The following CDH23 variants were observed in gnomAD, a reference collection of about 807,000 sequenced individuals.
CDH23 encodes the protein cadherin related 23, also known as cadherin-23.
A neutral mutation model predicts 317.1 loss-of-function variants in CDH23; 189 were observed. The observed-to-expected ratio is 0.60, with a 90% confidence interval of 0.53 to 0.67. The LOEUF (loss-of-function observed/expected upper bound fraction) is 0.67, where lower values mean the gene tolerates loss of function less well. Among genes scored for constraint, CDH23 ranks in the 30% least tolerant of loss-of-function variants. The pLI, the probability that CDH23 is intolerant of heterozygous loss-of-function variation, is 0.00. For missense variants in CDH23, 4,401 were observed against 4,592.4 expected (o/e 0.96, Z 1.20); for synonymous variants, 1,839 against 1,876.8 (o/e 0.98, Z 0.52).
rs1189826051 is a variant in CDH23, at chr10:71,808,021, G to A, written c.8722+14G>A. ...TCTTCACCATGGGTAGGGCCTGGCA[G>A]CACATGAGTGGCCTCTAGCCATGAC... On this transcript the variant is annotated intron_variant, in intron 60 of 69. Transcript: ENST00000224721. 6.4e-7 allele frequency: 1 copy of A among 1,571,522 alleles called. No individual in the cohort carries two copies. Among genetic ancestry groups the A allele is most frequent in the South Asian group, 1.2e-5 (1 of 85,664 alleles).
intron 6 of CDH23, among the ~76,000 whole-genome samples, chr10:71,564,758 T>C (rs1345834228): frequency 1.3e-5 from 2 of 152,260 alleles, no homozygotes; most frequent in African/African-American, 4.8e-5. Flanking sequence ...CTACCCTGTT[T>C]CCTGTTGTTG....
intron 9 of CDH23, among the ~76,000 whole-genome samples, chr10:71,581,679 C>T (rs576632459): frequency 1.3e-5 from 2 of 152,356 alleles, no homozygotes; most frequent in African/African-American, 4.8e-5. Flanking sequence ...GACAAGTTCC[C>T]ACAGAGGACC....
At chr10:71,684,022 A>G (rs185064147) in intron 18 of CDH23, among the ~76,000 whole-genome samples, 38 of 151,954 alleles carry the variant, frequency 2.5e-4, no homozygotes, top group Admixed American at 1.7e-3. Context: ...TGGAGGTTGC[A>G]GTGAGCCGAG....
chr10:71,415,451 T>C (rs982351076), intron 1 of CDH23, among the ~76,000 whole-genome samples: 1 of 152,314 alleles, frequency 6.6e-6, no homozygotes, highest in Admixed American at 6.5e-5. Context: ...TGTATTGATC[T>C]TTTCAAAAAA....
intron 30 of CDH23, among the ~76,000 whole-genome samples, chr10:71,729,450 A>C (rs1357295572): frequency 6.6e-6 from 1 of 152,172 alleles, no homozygotes; most frequent in Non-Finnish European, 1.5e-5. Context: ...TGCCCCAAAC[A>C]GGGCCAGGGA....
At chr10:71,427,733 G>A (rs919081381) in intron 1 of CDH23, among the ~76,000 whole-genome samples, 76 of 141,282 alleles carry the variant, frequency 5.4e-4, no homozygotes, top group Middle Eastern at 3.6e-3. Context: ...TTTTTTTTTA[G>A]ATGGAGTCTC....
rs183300613 is a variant in CDH23, at chr10:71,752,066, G to A, written c.4845+10145G>A. 2,596 of 707,212 alleles carry A rather than the reference G, an allele frequency of 3.7e-3. 19 individuals carry two copies. The highest frequency in any genetic ancestry group is 4.3e-3 in the Non-Finnish European group (1,690 of 392,786). The allele number at this position is 707,212 out of a possible 1,614,324, so 43.8% of individuals were successfully genotyped here. A position where few individuals can be genotyped will look rare whatever the true frequency, so the allele number is the denominator to read the frequency against. ...CCTGCCCACCTGTCCTGAGCTGAGG[G>A]CATCAGGGCCCACCAGAACAGACCC... is the stretch of plus-strand genomic sequence containing the variant. On this transcript the variant is annotated intron_variant, in intron 38 of 69. Transcript: ENST00000224721.
chr10:71,709,911 A>G lies in CDH23; in HGVS notation c.3220+700A>G, dbSNP rs7072435. 8.8e-3 allele frequency among the ~76,000 whole-genome samples: 1,345 copies of G among 152,274 alleles called. 13 individuals carry two copies. Among genetic ancestry groups the G allele is most frequent in the African/African-American group, 0.03 (1,259 of 41,544 alleles). ...ATCATGGCAGAAGGCAAGGAGGAGC[A>G]AGTCCTGTCTTACATGGATGGTAGC... On this transcript the variant is annotated intron_variant, in intron 27 of 69. Coordinates refer to ENST00000224721, the MANE Select transcript of CDH23 (RefSeq NM_022124.6).
chr10:71,688,838 A>C (rs1194330501), intron 19 of CDH23, among the ~76,000 whole-genome samples: 1 of 119,050 alleles, frequency 8.4e-6, no homozygotes, highest in African/African-American at 3.1e-5. Flanking sequence ...TGGTGGAGTC[A>C]GGGGTGGTGG....
rs530192569 is a variant in CDH23 at position 71,716,155 on chromosome 10, C to G, written c.3369+3342C>G. 2.6e-6 allele frequency: 4 copies of G among 1,550,476 alleles called. No homozygotes were observed. The East Asian group carries it at 9.8e-5, about 38-fold the overall frequency. On this transcript the variant is annotated intron_variant, in intron 28 of 69. Transcript: ENST00000224721. ...TGCGGCGGCTCGGGTCCAGCGCGGC[C>G]GGCTTGCAGAGCGTCATGAACAGCA...
At chr10:71,729,840 A>ATT (rs111460455) in intron 30 of CDH23, among the ~76,000 whole-genome samples, 4 of 147,070 alleles carry the variant, frequency 2.7e-5, no homozygotes, top group African/African-American at 5.0e-5. Context: ...ATTATTATTA[A>ATT]TTTTTTTTTT....
At chr10:71,484,426 G>A (rs531531303) in intron 3 of CDH23, among the ~76,000 whole-genome samples, 6 of 152,294 alleles carry the variant, frequency 3.9e-5, no homozygotes, top group Admixed American at 2.0e-4. Flanking sequence ...GAGAGGGGCC[G>A]CAGGATCACC....
chr10:71,550,721 C>T (rs867671445), intron 6 of CDH23, among the ~76,000 whole-genome samples: 3 of 152,152 alleles, frequency 2.0e-5, no homozygotes, highest in Non-Finnish European at 4.4e-5. Flanking sequence ...TTTCCCCCAC[C>T]GTCCCATCCT....
At chr10:71,803,864 A>G (rs1841632352) in intron 55 of CDH23, among the ~76,000 whole-genome samples, 1 of 150,364 alleles carries the variant, frequency 6.7e-6, no homozygotes, top group South Asian at 2.1e-4. Flanking sequence ...GCATGCCTGT[A>G]ATCCCAGCTA....
intron 3 of CDH23, among the ~76,000 whole-genome samples, chr10:71,506,143 C>G (rs1853621760): frequency 1.3e-5 from 2 of 152,142 alleles, no homozygotes; most frequent in Admixed American, 1.3e-4. Context: ...CAAAAGGCCA[C>G]ATACTGTATT....
rs1004144806 is a variant in CDH23 at position 71,806,949 on chromosome 10, T to C, written c.8179-328T>C. Among the ~76,000 whole-genome samples, 29 of 152,236 alleles carry C rather than the reference T, an allele frequency of 1.9e-4. 1 individual carries two copies. Among genetic ancestry groups the C allele is most frequent in the African/African-American group, 6.0e-4 (25 of 41,466 alleles). On this transcript the variant is annotated intron_variant, in intron 57 of 69. Transcript: ENST00000224721. ...GACTCCAACTCTGACATGGTTGTTTTTTCTTCTTGTGTGCACATGGGATGT... is the reference window on the plus strand; with the variant it reads ...GACTCCAACTCTGACATGGTTGTTTCTTCTTCTTGTGTGCACATGGGATGT...
intron 6 of CDH23, among the ~76,000 whole-genome samples, chr10:71,529,132 G>A (rs1052118364): frequency 6.6e-6 from 1 of 152,196 alleles, no homozygotes; most frequent in Non-Finnish European, 1.5e-5. Flanking sequence ...TTGTTAAAAT[G>A]TGGATCCTGA....
At chr10:71,504,520 C>T (rs1482170176) in intron 3 of CDH23, among the ~76,000 whole-genome samples, 1 of 152,196 alleles carries the variant, frequency 6.6e-6, no homozygotes, top group African/African-American at 2.4e-5. Flanking sequence ...GGCATGAACA[C>T]AGATGCACAG....
rs185605871 is a variant in CDH23 at position 71,455,473 on chromosome 10, G to A, written c.145+9078G>A. 1.1e-4 allele frequency among the ~76,000 whole-genome samples: 17 copies of A among 152,258 alleles called. No individual in the cohort carries two copies. The East Asian group carries it at 3.1e-3, about 28-fold the overall frequency. On this transcript the variant is annotated intron_variant, in intron 3 of 69. Coordinates refer to ENST00000224721, the MANE Select transcript of CDH23 (RefSeq NM_022124.6). Reference sequence around the variant, plus strand: ...GATAGATTAGATAGATAGATAGGTAGACGGACAGATGCACATATATACTTA... The same window carrying A: ...GATAGATTAGATAGATAGATAGGTAAACGGACAGATGCACATATATACTTA...
Sources: allele counts gnomAD v4.1 joint callset (sites outside exome capture counted in the v4.1 genomes callset), GRCh38; gene constraint gnomAD v4.1.1; transcripts MANE v1.5; gene names NCBI Gene and HGNC (gene_info 2026-07-23, HGNC 2026-07-21).